Variants in PTPRT observed in about 807,000 individuals in gnomAD.
PTPRT encodes receptor-type tyrosine-protein phosphatase T.
A neutral mutation model predicts 176.8 loss-of-function variants in PTPRT; 56 were observed. That is an observed-to-expected ratio of 0.32 (90% confidence interval 0.26 to 0.40). The LOEUF is 0.40. Among genes scored for constraint, PTPRT ranks in the 10% least tolerant of loss-of-function variants. PTPRT has a pLI of 1.00. For synonymous variants in PTPRT, 783 were observed against 739.0 expected, an observed-to-expected ratio of 1.06 and a Z score of -0.96; for missense variants, 1,540 against 1,908.2, an observed-to-expected ratio of 0.81 and a Z score of 3.60.
intron 14 of PTPRT, among the ~76,000 whole-genome samples, chr20:42,237,514 C>T (rs2056269322): frequency 6.6e-6 from 1 of 152,196 alleles, no homozygotes; most frequent in Non-Finnish European, 1.5e-5. Context: ...CTGCTGCCCC[C>T]CACCATCCAC....
intron 9 of PTPRT, among the ~76,000 whole-genome samples, chr20:42,437,971 A>G (rs1393678637): frequency 6.6e-6 from 1 of 152,254 alleles, no homozygotes; most frequent in Non-Finnish European, 1.5e-5. Flanking sequence ...AGATGAAAAG[A>G]GAACAACTTG....
At chr20:42,488,950 CAAA>C (rs34356678) in intron 7 of PTPRT, among the ~76,000 whole-genome samples, 1 of 118,780 alleles carries the variant, frequency 8.4e-6, no homozygotes. Context: ...AACTCTGTCT[CAAA>C]AAAAAAAAAA....
intron 1 of PTPRT, among the ~76,000 whole-genome samples, chr20:42,934,689 G>C (rs575422633): frequency 6.4e-4 from 97 of 152,126 alleles, no homozygotes; most frequent in Non-Finnish European, 1.2e-3. Context: ...TGTCGCTATA[G>C]AGTGTCTCAC....
chr20:42,914,718 G>C, intron 1 of PTPRT, among the ~76,000 whole-genome samples: 1 of 152,148 alleles, frequency 6.6e-6, no homozygotes, highest in Non-Finnish European at 1.5e-5. Flanking sequence ...CAGCATGGGA[G>C]AATTTGGTCG....
chr20:42,817,782 A>C (rs1192872954), intron 2 of PTPRT, among the ~76,000 whole-genome samples: 1 of 152,170 alleles, frequency 6.6e-6, no homozygotes, highest in African/African-American at 2.4e-5. Context: ...CTTCAGGCCT[A>C]ACCCTGACCT....
At chr20:43,158,039 C>CA (rs11266974) in intron 1 of PTPRT, among the ~76,000 whole-genome samples, 144,470 of 152,254 alleles carry the variant, frequency 0.95, 69,034 homozygotes, top group East Asian at 1. Flanking sequence ...TCTGTCAAGA[C>CA]AAGGCAGAAG....
intron 9 of PTPRT, among the ~76,000 whole-genome samples, chr20:42,417,094 C>T (rs1371456886): frequency 6.6e-6 from 1 of 152,162 alleles, no homozygotes; most frequent in Non-Finnish European, 1.5e-5. Context: ...CTATCATCTC[C>T]AAGTAAAGGG....
chr20:42,145,677 A>T (rs1467332820), intron 17 of PTPRT, among the ~76,000 whole-genome samples: 1 of 152,190 alleles, frequency 6.6e-6, no homozygotes, highest in Non-Finnish European at 1.5e-5. Flanking sequence ...TAGCAACTGA[A>T]GATTCATTAG....
chr20:42,512,178 T>A (rs2145459759), intron 7 of PTPRT, among the ~76,000 whole-genome samples: 1 of 152,310 alleles, frequency 6.6e-6, no homozygotes, highest in East Asian at 1.9e-4. Flanking sequence ...TTTCTATGAA[T>A]TTTAATACAT....
intron 9 of PTPRT, among the ~76,000 whole-genome samples, chr20:42,387,206 A>C (rs2058752973): frequency 6.6e-6 from 1 of 152,254 alleles, no homozygotes; most frequent in South Asian, 2.1e-4. Flanking sequence ...CATTCCAATA[A>C]AAATGAGGCC....
rs567966269 is a variant in PTPRT at position 42,620,811 on chromosome 20, C to T, written c.1153+57055G>A. 1.9e-4 allele frequency among the ~76,000 whole-genome samples: 29 copies of T among 152,262 alleles called. 1 individual carries two copies. The East Asian group carries it at 5.4e-3, about 28-fold the overall frequency. ...GCCCTGCTTCGGCTTGCGCACGGTG[C>T]GCGCACCCACTGGCCTGCGCCCACT... On this transcript the variant is annotated intron_variant, in intron 7 of 30. Transcript: ENST00000373187.
At chr20:42,910,960 C>T (rs1485266468) in intron 1 of PTPRT, among the ~76,000 whole-genome samples, 2 of 151,960 alleles carry the variant, frequency 1.3e-5, no homozygotes, top group Non-Finnish European at 1.5e-5. Flanking sequence ...GGAGAAGTGC[C>T]GAGCAATGAG....
In PTPRT at chr20:42,078,334, T is replaced by G; in HGVS notation, c.*2545A>C. ...CAACTTTTGTCGGCTCCTTTCATGT[T>G]CCATCCTCATGGGCCTGGAGATCTG... On this transcript the variant is annotated 3_prime_UTR_variant, in exon 31 of 31. Coordinates refer to ENST00000373187, the MANE Select transcript of PTPRT (RefSeq NM_007050.6). 1 of 211,114 alleles carries G rather than the reference T, an allele frequency of 4.7e-6. No homozygotes were observed. Among genetic ancestry groups the G allele is most frequent in the Non-Finnish European group, 9.6e-6 (1 of 103,712 alleles). The allele number at this position is 211,114 out of a possible 1,614,324, so 13.1% of individuals were successfully genotyped here.
rs545202094 is a variant in PTPRT at position 42,323,787 on chromosome 20, A to G, written c.1866-7791T>C. ...AATAATAAAATAAAATAAAAATAAA[A>G]AAAAGAAAATATAAATTACAGCAAC... On this transcript the variant is annotated intron_variant, in intron 11 of 30. Transcript: ENST00000373187. Among the ~76,000 whole-genome samples the G allele has an allele frequency of 3.3e-5, 5 of 152,194 alleles. No homozygotes were observed. In the South Asian group the frequency reaches 8.3e-4, roughly 25 times the overall value.
intron 2 of PTPRT, among the ~76,000 whole-genome samples, chr20:42,846,649 C>A (rs1320819719): frequency 1.3e-5 from 2 of 152,192 alleles, no homozygotes; most frequent in East Asian, 3.9e-4. Context: ...GAATGAGTTG[C>A]AAGCCCAGCT....
intron 7 of PTPRT, among the ~76,000 whole-genome samples, chr20:42,660,154 T>A (rs1346599432): frequency 6.6e-6 from 1 of 152,224 alleles, no homozygotes; most frequent in Non-Finnish European, 1.5e-5. Flanking sequence ...CAGGTGGTGC[T>A]GGCCACGTGG....
In PTPRT at chr20:42,352,341, G is replaced by A. The variant is rs2058297395; in HGVS notation, c.1561-56C>T. 2.5e-6 allele frequency: 4 copies of A among 1,579,452 alleles called. No homozygotes were observed. In the Admixed American group the frequency reaches 5.0e-5, roughly 20 times the overall value. On this transcript the variant is annotated intron_variant, in intron 9 of 30. Coordinates refer to ENST00000373187, the MANE Select transcript of PTPRT (RefSeq NM_007050.6). ...AATAAATGCCTCACTCAGGAAGCTG[G>A]ATGGAGCTCCTTTAGAGGAACCTTA...
intron 1 of PTPRT, among the ~76,000 whole-genome samples, chr20:43,009,489 A>G (rs912466947): frequency 2.0e-5 from 3 of 152,140 alleles, no homozygotes; most frequent in Admixed American, 6.5e-5. Flanking sequence ...GGTTCCAGGA[A>G]AGGGAATTGG....
the PTPRT span, among the ~76,000 whole-genome samples, chr20:42,061,522 T>C: frequency 6.6e-6 from 1 of 152,246 alleles, no homozygotes; most frequent in Non-Finnish European, 1.5e-5. Flanking sequence ...ATTTTATTGC[T>C]GTTTATTACT....
Sources: allele counts gnomAD v4.1 joint callset (sites outside exome capture counted in the v4.1 genomes callset), GRCh38; gene constraint gnomAD v4.1.1; transcripts MANE v1.5; gene names NCBI Gene and HGNC (gene_info 2026-07-23, HGNC 2026-07-21).